The following GRM8 variants were observed in gnomAD, a reference collection of about 807,000 sequenced individuals.
GRM8 encodes metabotropic glutamate receptor 8.
In GRM8, 47 loss-of-function variants were observed where a neutral mutation model predicts 87.2. The ratio of observed to expected loss-of-function variants is 0.54; its 90% CI spans 0.43 to 0.69. The LOEUF is 0.69. Among genes scored for constraint, GRM8 ranks in the 30% least tolerant of loss-of-function variants. The pLI is 0.00. For missense variants in GRM8, 1,019 were observed against 1,139.2 expected (o/e 0.89, Z 1.52); for synonymous variants, 396 against 404.5 (o/e 0.98, Z 0.25).
At chr7:126,798,843 C>T (rs73451268) in intron 6 of GRM8, among the ~76,000 whole-genome samples, 2,896 of 152,150 alleles carry the variant, frequency 0.019, 97 homozygotes, top group African/African-American at 0.066. Context: ...AAAAGCCTTA[C>T]CTATGAGATG....
intron 2 of GRM8, among the ~76,000 whole-genome samples, chr7:127,124,341 C>T (rs1238263183): frequency 6.6e-6 from 1 of 152,116 alleles, no homozygotes; most frequent in Non-Finnish European, 1.5e-5. Context: ...AATTTGCTGT[C>T]CTCATTTCAC....
chr7:126,889,201 G>C (rs1800768890), intron 6 of GRM8, among the ~76,000 whole-genome samples: 1 of 152,118 alleles, frequency 6.6e-6, no homozygotes, highest in African/African-American at 2.4e-5. Flanking sequence ...CATAAAGGTT[G>C]CAACCACCAC....
intron 9 of GRM8, among the ~76,000 whole-genome samples, chr7:126,529,561 T>A (rs1814468963): frequency 6.6e-6 from 1 of 152,220 alleles, no homozygotes; most frequent in Admixed American, 6.5e-5. Context: ...TTTTTTCTTT[T>A]CTTTTCTTTT....
At chr7:126,637,000 C>T (rs1585313369) in intron 7 of GRM8, among the ~76,000 whole-genome samples, 2 of 151,738 alleles carry the variant, frequency 1.3e-5, no homozygotes, top group East Asian at 3.9e-4. Context: ...TGTAATGTTA[C>T]CTTATAAGAA....
intron 3 of GRM8, among the ~76,000 whole-genome samples, chr7:127,058,827 T>C (rs1017767600): frequency 3.3e-5 from 5 of 152,250 alleles, no homozygotes; most frequent in African/African-American, 1.2e-4. Flanking sequence ...TTTATCTGAA[T>C]GTTATCTGAA....
intron 3 of GRM8, among the ~76,000 whole-genome samples, chr7:127,104,385 G>T (rs1021919775): frequency 6.6e-6 from 1 of 152,036 alleles, no homozygotes; most frequent in African/African-American, 2.4e-5. Flanking sequence ...ATTTCAGAAT[G>T]GGTTAAGTTG....
At chr7:126,486,144 C>A (rs1807337564) in intron 9 of GRM8, among the ~76,000 whole-genome samples, 1 of 152,012 alleles carries the variant, frequency 6.6e-6, no homozygotes, top group Non-Finnish European at 1.5e-5. Flanking sequence ...CTACATAGCT[C>A]TGATTGACTA....
chr7:126,864,242 AGTG>A (rs1798403536), intron 6 of GRM8, among the ~76,000 whole-genome samples: 1 of 151,992 alleles, frequency 6.6e-6, no homozygotes, highest in South Asian at 2.1e-4. Context: ...GATGTTTCTA[AGTG>A]GGCCTGGTTG....
chr7:126,922,704 A>G (rs775353584), intron 3 of GRM8, among the ~76,000 whole-genome samples: 3 of 152,130 alleles, frequency 2.0e-5, no homozygotes, highest in South Asian at 2.1e-4. Flanking sequence ...GTAATCCCCA[A>G]TGCTGGAGGT....
At chr7:126,756,720 T>C (rs1213567521) in intron 7 of GRM8, among the ~76,000 whole-genome samples, 2 of 151,980 alleles carry the variant, frequency 1.3e-5, no homozygotes, top group South Asian at 2.1e-4. Flanking sequence ...ACTGTGGAGA[T>C]AGTTAAAAGA....
At chr7:126,884,381 A>C (rs1800296276) in intron 6 of GRM8, among the ~76,000 whole-genome samples, 1 of 152,172 alleles carries the variant, frequency 6.6e-6, no homozygotes, top group South Asian at 2.1e-4. Flanking sequence ...TCTGTGGCTA[A>C]ACAAAATGCA....
At chr7:127,114,249 A>G (rs1826564058) in intron 2 of GRM8, among the ~76,000 whole-genome samples, 1 of 152,172 alleles carries the variant, frequency 6.6e-6, no homozygotes, top group Admixed American at 6.6e-5. Flanking sequence ...GCAGGATGTG[A>G]GCCTTTGGGT....
At chr7:126,814,037 C>G (rs1292185938) in intron 6 of GRM8, among the ~76,000 whole-genome samples, 3 of 152,042 alleles carry the variant, frequency 2.0e-5, no homozygotes, top group African/African-American at 7.2e-5. Context: ...TTTCCACCAG[C>G]ACTTATGGCC....
intron 6 of GRM8, among the ~76,000 whole-genome samples, chr7:126,770,600 C>T (rs944161472): frequency 6.6e-6 from 1 of 151,886 alleles, no homozygotes; most frequent in Non-Finnish European, 1.5e-5. Flanking sequence ...AATTTGTTTT[C>T]TTTTTGAACT....
chr7:126,986,188 A>T (rs1177831247), intron 3 of GRM8, among the ~76,000 whole-genome samples: 1 of 151,990 alleles, frequency 6.6e-6, no homozygotes, highest in Non-Finnish European at 1.5e-5. Flanking sequence ...TAATTTTTTT[A>T]AAACATTTTT....
intron 7 of GRM8, among the ~76,000 whole-genome samples, chr7:126,763,559 C>T (rs2151584463): frequency 1.3e-5 from 1 of 79,140 alleles, no homozygotes; most frequent in East Asian, 2.2e-4. Flanking sequence ...TATTTGGTTT[C>T]ATTTATCACA....
chr7:127,035,421 G>T (rs573211332), intron 3 of GRM8, among the ~76,000 whole-genome samples: 3 of 152,270 alleles, frequency 2.0e-5, no homozygotes, highest in Middle Eastern at 3.4e-3. Flanking sequence ...TTGACTGGCT[G>T]GTTGGATTGG....
In GRM8 at chr7:126,955,503, G is replaced by A. The variant is rs572778318; in HGVS notation, c.728-50820C>T. ...AAAGGGACTCCAAGTCACCAGTTAC[G>A]CCAGCAGTTTGCAAAAACTATTCTC... On this transcript the variant is annotated intron_variant, in intron 3 of 10. Coordinates refer to ENST00000339582, the MANE Select transcript of GRM8 (RefSeq NM_000845.3). Among the ~76,000 whole-genome samples, 8 of 152,266 alleles carry A rather than the reference G, an allele frequency of 5.3e-5. No homozygotes were observed. In the South Asian group the frequency reaches 1.0e-3, roughly 20 times the overall value.
chr7:127,096,887 C>T (rs1001500068), intron 3 of GRM8, among the ~76,000 whole-genome samples: 4 of 152,118 alleles, frequency 2.6e-5, no homozygotes, highest in African/African-American at 9.7e-5. Flanking sequence ...CAGTAACCCC[C>T]GAAGGTTCCC....
Sources: allele counts gnomAD v4.1 joint callset (sites outside exome capture counted in the v4.1 genomes callset), GRCh38; gene constraint gnomAD v4.1.1; transcripts MANE v1.5; gene names NCBI Gene and HGNC (gene_info 2026-07-23, HGNC 2026-07-21).